TPRG1: variants seen among roughly 807,000 people sequenced by gnomAD.
TPRG1 encodes tumor protein p63 regulated 1, also known as tumor protein p63-regulated gene 1 protein.
TPRG1 carries 29 observed loss-of-function variants against 29.3 expected under a neutral mutation model. The ratio of observed to expected loss-of-function variants is 0.99; its 90% CI spans 0.74 to 1.35. TPRG1 has a LOEUF of 1.35. Among genes scored for constraint, TPRG1 ranks in the 40% most tolerant of loss-of-function variants. The pLI, the probability that TPRG1 is intolerant of heterozygous loss-of-function variation, is 0.00. For synonymous variants in TPRG1, 130 were observed against 116.8 expected, an observed-to-expected ratio of 1.11 and a Z score of -0.73; for missense variants, 327 against 335.0, an observed-to-expected ratio of 0.98 and a Z score of 0.19.
intron 3 of TPRG1, among the ~76,000 whole-genome samples, chr3:189,230,628 C>A (rs1437097337): frequency 6.6e-6 from 1 of 152,124 alleles, no homozygotes; most frequent in Non-Finnish European, 1.5e-5. Context: ...TCTCCTATTT[C>A]CTTTTTCTCC....
chr3:189,158,945 T>C (rs1222343885), intron 5 of TPRG1, among the ~76,000 whole-genome samples: 1 of 148,936 alleles, frequency 6.7e-6, no homozygotes, highest in Non-Finnish European at 1.5e-5. Context: ...TTTGTTTTTG[T>C]TTTTTTTGGT....
At chr3:189,253,805 A>C (rs1172841155) in intron 4 of TPRG1, among the ~76,000 whole-genome samples, 2 of 152,110 alleles carry the variant, frequency 1.3e-5, no homozygotes, top group Non-Finnish European at 2.9e-5. Context: ...AACTGGCATG[A>C]GATGGTATTT....
intron 3 of TPRG1, among the ~76,000 whole-genome samples, chr3:189,135,465 GCT>G (rs1470315069): frequency 3.3e-5 from 5 of 152,144 alleles, no homozygotes; most frequent in Admixed American, 3.3e-4. Context: ...AGTTTAACAA[GCT>G]AAAACCTAGT....
intron 4 of TPRG1, among the ~76,000 whole-genome samples, chr3:189,285,640 T>C (rs1310189275): frequency 1.3e-5 from 2 of 152,218 alleles, no homozygotes; most frequent in Non-Finnish European, 2.9e-5. Flanking sequence ...CTTTTTCACA[T>C]CAATATTACA....
intron 1 of TPRG1, among the ~76,000 whole-genome samples, chr3:189,101,571 C>T (rs554544037): frequency 6.6e-6 from 1 of 152,178 alleles, no homozygotes; most frequent in East Asian, 1.9e-4. Flanking sequence ...TTTCCTTAAG[C>T]CCTACCATCA....
chr3:189,207,246 T>C, intron 1 of TPRG1, 130 bp from the exon 2 acceptor site: 1 of 1,428,302 alleles, frequency 7.0e-7, no homozygotes, highest in Non-Finnish European at 9.3e-7. Context: ...AATGCCTCTG[T>C]TTAGTTAACA....
At chr3:189,238,623 T>C (rs1373808895) in intron 3 of TPRG1, 110 bp from the exon 4 acceptor site, 1 of 905,716 alleles carries the variant, frequency 1.1e-6, no homozygotes, top group African/African-American at 1.7e-5. Context: ...CCCCTCTCTC[T>C]TCTGAGTTGA....
chr3:189,197,488 C>T (rs1246977485), intron 1 of TPRG1, among the ~76,000 whole-genome samples: 2 of 152,162 alleles, frequency 1.3e-5, no homozygotes, highest in Admixed American at 6.5e-5. Context: ...TGTCCCTTTT[C>T]TGTCCCACAG....
At chr3:189,123,889 C>G (rs1424828672) in intron 1 of TPRG1, among the ~76,000 whole-genome samples, 3 of 152,158 alleles carry the variant, frequency 2.0e-5, no homozygotes, top group Admixed American at 6.5e-5. Context: ...GTCTCTCTCG[C>G]TCAGACCCTG....
intron 2 of TPRG1, among the ~76,000 whole-genome samples, 190 bp downstream of exon 2, chr3:189,207,784 T>A (rs147843539): frequency 1.5e-3 from 227 of 152,328 alleles, no homozygotes; most frequent in African/African-American, 5.2e-3. Flanking sequence ...TTTAAAGATC[T>A]ATGTTTGATT....
intron 1 of TPRG1, among the ~76,000 whole-genome samples, chr3:189,104,816 G>T (rs1719621806): frequency 6.6e-6 from 1 of 152,016 alleles, no homozygotes; most frequent in Non-Finnish European, 1.5e-5. Flanking sequence ...TATTTAAAAT[G>T]CCTTCCTCTG....
At chr3:189,056,369 T>C (rs2152142088) in intron 4 of TPRG1, among the ~76,000 whole-genome samples, 2 of 152,282 alleles carry the variant, frequency 1.3e-5, no homozygotes, top group Middle Eastern at 6.8e-3. Flanking sequence ...GTGTTGAGAT[T>C]ACAGGCATGA....
chr3:189,013,349 T>G (rs1158963577), intron 3 of TPRG1, among the ~76,000 whole-genome samples: 1 of 152,220 alleles, frequency 6.6e-6, no homozygotes, highest in Admixed American at 6.5e-5. Context: ...TTCTTAATCT[T>G]GAGTTCTAAT....
chr3:189,252,468 A>G (rs1292572968), intron 4 of TPRG1, among the ~76,000 whole-genome samples: 1 of 152,162 alleles, frequency 6.6e-6, no homozygotes, highest in Non-Finnish European at 1.5e-5. Context: ...GGAGCCCTAA[A>G]TCTTACCTCT....
chr3:189,018,086 T>C (rs1458674730), intron 3 of TPRG1, among the ~76,000 whole-genome samples: 1 of 152,230 alleles, frequency 6.6e-6, no homozygotes, highest in African/African-American at 2.4e-5. Context: ...TGTTTGTTTT[T>C]TTCTCGTAAA....
intron 4 of TPRG1, among the ~76,000 whole-genome samples, chr3:189,284,083 G>A (rs1717612998): frequency 6.6e-6 from 1 of 152,162 alleles, no homozygotes; most frequent in Non-Finnish European, 1.5e-5. Flanking sequence ...ATCCTCTGTA[G>A]TCTCACCCAC....
intron 5 of TPRG1, among the ~76,000 whole-genome samples, chr3:189,153,761 G>A (rs1726271572): frequency 6.6e-6 from 1 of 152,172 alleles, no homozygotes; most frequent in Admixed American, 6.5e-5. Context: ...CAGAAACTCT[G>A]GCTCGTATAG....
intron 4 of TPRG1, among the ~76,000 whole-genome samples, chr3:189,051,293 G>A (rs1259083287): frequency 1.3e-5 from 2 of 151,994 alleles, no homozygotes; most frequent in Non-Finnish European, 1.5e-5. Context: ...CACCAACAGC[G>A]ACCAAGCAGA....
At chr3:189,001,037 T>C (rs1444337367) in intron 2 of TPRG1, 1 of 152,124 alleles carries the variant, frequency 6.6e-6, no homozygotes, top group Non-Finnish European at 1.5e-5. Context: ...TCTGACCTCA[T>C]TTAATATGTT....
Sources: allele counts gnomAD v4.1 joint callset (sites outside exome capture counted in the v4.1 genomes callset), GRCh38; gene constraint gnomAD v4.1.1; transcripts MANE v1.5; gene names NCBI Gene and HGNC (gene_info 2026-07-23, HGNC 2026-07-21).